The following HDX variants were observed in gnomAD, a reference collection of about 807,000 sequenced individuals.
The protein encoded by HDX is highly divergent homeobox.
Under a neutral mutation model 45.2 loss-of-function variants are expected in HDX, and 19 were observed. The observed-to-expected ratio is 0.42, with a 90% CI of 0.29 to 0.62. HDX has a LOEUF of 0.62. Ranked by LOEUF, HDX falls within the 20% of genes least tolerant of loss-of-function variation. The pLI, the probability that HDX is intolerant of heterozygous loss-of-function variation, is 0.20. For missense variants in HDX, 532 were observed against 493.9 expected, an observed-to-expected ratio of 1.08 and a Z score of -0.73; for synonymous variants, 188 against 172.8, an observed-to-expected ratio of 1.09 and a Z score of -0.69.
intron 5 of HDX, among the ~76,000 whole-genome samples, chrX:84,375,949 C>A (rs2038046054): frequency 8.9e-6 from 1 of 112,327 alleles, no homozygotes; most frequent in African/African-American, 3.2e-5. Flanking sequence ...TGAATCACTT[C>A]AAACTTTTTC....
At chrX:84,413,704 T>C (rs2039038491) in intron 5 of HDX, among the ~76,000 whole-genome samples, 1 of 112,126 alleles carries the variant, frequency 8.9e-6, no homozygotes, top group African/African-American at 3.2e-5. Context: ...GTATTATTCC[T>C]CTTTTTCTGA....
chrX:84,480,113 G>A (rs138634298), intron 2 of HDX, among the ~76,000 whole-genome samples: 1,154 of 111,169 alleles, frequency 0.01, 23 homozygotes, highest in African/African-American at 0.037. Context: ...CTGTTTTAGG[G>A]GGGTTATTAT....
At chrX:84,342,894 C>A (rs1400457880) in intron 7 of HDX, among the ~76,000 whole-genome samples, 1 of 110,869 alleles carries the variant, frequency 9.0e-6, no homozygotes, top group Non-Finnish European at 1.9e-5. Flanking sequence ...ACATCATAAG[C>A]AAAATTAAAA....
chrX:84,412,687 C>T (rs1267848693), intron 5 of HDX, among the ~76,000 whole-genome samples: 5 of 111,318 alleles, frequency 4.5e-5, no homozygotes, highest in African/African-American at 1.6e-4. Context: ...AAGGGGCTTC[C>T]TGTATTATCT....
In HDX at chrX:84,440,550, C is replaced by A; in HGVS notation, c.1287G>T (p.Gly429=). The A allele has an allele frequency of 8.4e-7, 1 of 1,184,708 alleles. No individual in the cohort carries two copies. The change falls in exon 5 of 11, where the codon GGG becomes GGT. Residue 429 remains glycine, a synonymous_variant. Transcript: ENST00000373177. ...SGNLTVPWIT[G]CSRKRALQDR... ...TACTTACTGCTCTTTTTCTAGAACA[C>A]CCTGTAATCCAAGGCACAGTAAGGT...
intron 6 of HDX, among the ~76,000 whole-genome samples, chrX:84,360,240 C>T (rs752204691): frequency 1.3e-4 from 14 of 111,516 alleles, no homozygotes; most frequent in Non-Finnish European, 2.3e-4. Context: ...TACCATCTCA[C>T]GCCAATCAGA....
At chrX:84,401,340 G>T (rs191354806) in intron 5 of HDX, among the ~76,000 whole-genome samples, 1 of 110,971 alleles carries the variant, frequency 9.0e-6, no homozygotes, top group Non-Finnish European at 1.9e-5. Context: ...TAATCTACAA[G>T]GAACTTAATC....
rs760589939 is a variant in HDX at position 84,345,846 on chromosome X, G to A, written c.1453-1389C>T. Among the ~76,000 whole-genome samples, 3 of 111,206 alleles carry A rather than the reference G, an allele frequency of 2.7e-5. No individual in the cohort carries two copies. In the South Asian group the frequency reaches 1.1e-3, roughly 41 times the overall value. ...TTAGCTGTTCTCATAGGTGTGTGTAGTAACAGCTCAACAAGTTCTTAATGT... is the reference window on the plus strand; with the variant it reads ...TTAGCTGTTCTCATAGGTGTGTGTAATAACAGCTCAACAAGTTCTTAATGT... On this transcript the variant is annotated intron_variant, in intron 6 of 10. Transcript: ENST00000373177.
intron 2 of HDX, among the ~76,000 whole-genome samples, chrX:84,483,464 G>A (rs887788000): frequency 1.8e-5 from 2 of 112,493 alleles, no homozygotes; most frequent in African/African-American, 6.5e-5. Context: ...TGCACCCTCT[G>A]GTGCAATGGC....
intron 5 of HDX, among the ~76,000 whole-genome samples, chrX:84,361,852 G>A (rs1329831612): frequency 8.9e-6 from 1 of 111,786 alleles, no homozygotes; most frequent in Non-Finnish European, 1.9e-5. Flanking sequence ...ATTAAGCAAT[G>A]TTGATTTAAA....
chrX:84,392,677 G>A (rs1007539641), intron 5 of HDX, among the ~76,000 whole-genome samples: 1 of 109,858 alleles, frequency 9.1e-6, no homozygotes, highest in Non-Finnish European at 1.9e-5. Context: ...TTTAGCTATG[G>A]TAAATTGGAT....
chrX:84,471,437 TTATATA>T (rs890622223), intron 3 of HDX, among the ~76,000 whole-genome samples: 1 of 105,806 alleles, frequency 9.5e-6, no homozygotes, highest in African/African-American at 3.4e-5. Flanking sequence ...ATTTTATATA[TTATATA>T]TATATATATA....
chrX:84,328,820 G>C (rs1248536599), intron 9 of HDX, among the ~76,000 whole-genome samples: 2 of 111,994 alleles, frequency 1.8e-5, no homozygotes, highest in East Asian at 5.7e-4. Context: ...CCAAATATGA[G>C]TGACCAATGG....
chrX:84,392,157 A>G (rs1303813388), intron 5 of HDX, among the ~76,000 whole-genome samples: 1 of 111,934 alleles, frequency 8.9e-6, no homozygotes, highest in Non-Finnish European at 1.9e-5. Flanking sequence ...TCCAAGCACC[A>G]TTTATTAAAG....
chrX:84,502,287 G>A (rs756923996), intron 1 of HDX, 55 bp downstream of exon 1: 2 of 108,653 alleles, frequency 1.8e-5, no homozygotes, highest in African/African-American at 6.7e-5. Flanking sequence ...GCATTATCCC[G>A]GTGCTTTGCC....
intron 3 of HDX, among the ~76,000 whole-genome samples, chrX:84,471,411 G>A (rs747310424): frequency 1.3e-4 from 14 of 106,725 alleles, no homozygotes; most frequent in South Asian, 4.0e-4. Flanking sequence ...TAGATCTATC[G>A]ATATAGAGTA....
At chrX:84,436,402 G>T (rs1398815027) in intron 5 of HDX, among the ~76,000 whole-genome samples, 1 of 110,386 alleles carries the variant, frequency 9.1e-6, no homozygotes, top group Non-Finnish European at 1.9e-5. Context: ...TAAAAAAAAA[G>T]AAAAATGCAT....
intron 5 of HDX, among the ~76,000 whole-genome samples, chrX:84,373,438 C>T (rs751588776): frequency 2.4e-4 from 27 of 111,057 alleles, no homozygotes; most frequent in African/African-American, 7.5e-4. Flanking sequence ...ATACCAAAGC[C>T]TGGCAGAGAC....
chrX:84,358,334 C>T (rs1245445458), intron 6 of HDX, among the ~76,000 whole-genome samples: 1 of 109,835 alleles, frequency 9.1e-6, no homozygotes, highest in African/African-American at 3.3e-5. Flanking sequence ...ACTTCCTAAG[C>T]TATATACGTA....
Sources: allele counts gnomAD v4.1 joint callset (sites outside exome capture counted in the v4.1 genomes callset), GRCh38; gene constraint gnomAD v4.1.1; transcripts MANE v1.5; gene names NCBI Gene and HGNC (gene_info 2026-07-23, HGNC 2026-07-21).